Variants in ZCCHC4 observed in about 807,000 individuals in gnomAD.
The protein encoded by ZCCHC4 is rRNA N(6)-adenosine-methyltransferase ZCCHC4.
Under a neutral mutation model 67.7 loss-of-function variants are expected in ZCCHC4, and 54 were observed. The ratio of observed to expected loss-of-function variants is 0.80; its 90% CI spans 0.64 to 1.00. The LOEUF is 1.00. Among genes scored for constraint, ZCCHC4 ranks in the 50% least tolerant of loss-of-function variants. The pLI is 0.00. For synonymous variants in ZCCHC4, 198 were observed against 213.5 expected, an observed-to-expected ratio of 0.93 and a Z score of 0.63; for missense variants, 609 against 617.0, an observed-to-expected ratio of 0.99 and a Z score of 0.14.
intron 3 of ZCCHC4, among the ~76,000 whole-genome samples, chr4:25,321,025 A>G (rs905525146): frequency 2.0e-5 from 3 of 152,204 alleles, no homozygotes; most frequent in Non-Finnish European, 4.4e-5. Flanking sequence ...AGTGGGTGAT[A>G]GGTAGTCCTT....
Position 25,333,298 on chromosome 4 carries a change from G to A in ZCCHC4, c.445G>A (p.Val149Met), listed in dbSNP as rs759570799. ...TAGTGAGCATCAGGTTCTGGGTAAT[G>A]TGTCCATTACCCAGTTAAGAAGGCC... ...QHSEHQVLGN[V>M]SITQLRRPSQ... The change falls in exon 4 of 13, where the codon GTG (valine) becomes ATG (methionine). Residue 149 changes from valine to methionine, a missense_variant. Transcript: ENST00000302874. The A allele has an allele frequency of 6.2e-7, 1 of 1,614,114 alleles. No individual in the cohort carries two copies. Among genetic ancestry groups the A allele is most frequent in the Non-Finnish European group, 8.5e-7 (1 of 1,180,018 alleles).
intron 3 of ZCCHC4, among the ~76,000 whole-genome samples, chr4:25,327,913 A>G (rs1718975083): frequency 6.6e-6 from 1 of 152,230 alleles, no homozygotes; most frequent in African/African-American, 2.4e-5. Context: ...CTTTTAAACA[A>G]CCTTGCTTTG....
At chr4:25,334,559 C>T (rs1017778140) in intron 5 of ZCCHC4, among the ~76,000 whole-genome samples, 2 of 152,178 alleles carry the variant, frequency 1.3e-5, no homozygotes, top group African/African-American at 4.8e-5. Context: ...GTTGATGACA[C>T]AGAGGGAGGA....
In ZCCHC4 at chr4:25,336,097, G is replaced by A. The variant is rs182849100; in HGVS notation, c.686+2109G>A. Reference sequence around the variant, plus strand: ...TTTGTTGTTATCACCGTGTTGTGCAGTCATCACCACTAGGTACTTCTAGAA... The same window carrying A: ...TTTGTTGTTATCACCGTGTTGTGCAATCATCACCACTAGGTACTTCTAGAA... On this transcript the variant is annotated intron_variant, in intron 5 of 12. Coordinates refer to ENST00000302874, the MANE Select transcript of ZCCHC4 (RefSeq NM_024936.3). Among the ~76,000 whole-genome samples the A allele has an allele frequency of 1.6e-3, 247 of 152,328 alleles. 2 individuals carry two copies. The highest frequency in any genetic ancestry group is 5.7e-3 in the African/African-American group (237 of 41,582).
rs78070340 is a variant in ZCCHC4, at chr4:25,320,654, A to G, written c.329+5254A>G. ...CTCTCTACCAACCTTTTAGAAGGCCATGTGTCTGAATGTTAAATTTAAGGC... is the reference window on the plus strand; with the variant it reads ...CTCTCTACCAACCTTTTAGAAGGCCGTGTGTCTGAATGTTAAATTTAAGGC... On this transcript the variant is annotated intron_variant, in intron 3 of 12. Transcript: ENST00000302874. Among the ~76,000 whole-genome samples, 925 of 152,304 alleles carry G rather than the reference A, an allele frequency of 6.1e-3. 13 individuals carry two copies. The highest frequency in any genetic ancestry group is 0.027 in the Middle Eastern group (8 of 294).
intron 8 of ZCCHC4, among the ~76,000 whole-genome samples, chr4:25,357,766 A>G (rs1720571990): frequency 1.3e-5 from 2 of 152,180 alleles, no homozygotes; most frequent in African/African-American, 2.4e-5. Context: ...ACCTGTACTG[A>G]CCTCATAAAA....
Position 25,359,214 on chromosome 4 carries a change from G to T in ZCCHC4, c.1012-2645G>T, listed in dbSNP as rs1293127447. Among the ~76,000 whole-genome samples the T allele has an allele frequency of 6.6e-6, 1 of 152,186 alleles. No individual in the cohort carries two copies. The highest frequency in any genetic ancestry group is 2.4e-5 in the African/African-American group (1 of 41,460). On this transcript the variant is annotated intron_variant, in intron 8 of 12. Coordinates refer to ENST00000302874, the MANE Select transcript of ZCCHC4 (RefSeq NM_024936.3). This position sits in a 1 kb window ranked among gnomAD's most constrained non-coding sequence, Gnocchi z 4.9. ...AGCAGCTAGAAATGCAGAGCACTGA[G>T]AAGGAATGAGCTTTTGCCAGCAGAG...
intron 6 of ZCCHC4, among the ~76,000 whole-genome samples, chr4:25,346,946 G>A (rs1445041863): frequency 2.6e-5 from 4 of 152,198 alleles, no homozygotes; most frequent in Non-Finnish European, 5.9e-5. Flanking sequence ...TGAGAAGACT[G>A]TACTGAGGGA....
At chr4:25,313,949 C>A in intron 1 of ZCCHC4, 97 bp from the exon 2 acceptor site, 1 of 737,116 alleles carries the variant, frequency 1.4e-6, no homozygotes, top group Non-Finnish European at 2.3e-6. Context: ...GTGCCTAAAG[C>A]TCAAACAAAT....
At chr4:25,328,321 C>G (rs1161847733) in intron 3 of ZCCHC4, among the ~76,000 whole-genome samples, 2 of 152,022 alleles carry the variant, frequency 1.3e-5, no homozygotes. Flanking sequence ...CTCACTGCCA[C>G]CTCTGTCTCC....
chr4:25,318,073 C>G (rs181796492), intron 3 of ZCCHC4, among the ~76,000 whole-genome samples: 50 of 152,286 alleles, frequency 3.3e-4, no homozygotes, highest in African/African-American at 1.2e-3. Context: ...TAGAACCACA[C>G]GGTCCGTGGT....
At chr4:25,343,102 A>C (rs1251296220) in intron 5 of ZCCHC4, among the ~76,000 whole-genome samples, 4 of 152,240 alleles carry the variant, frequency 2.6e-5, no homozygotes, top group African/African-American at 7.2e-5. Flanking sequence ...ACATGGTTGT[A>C]CTAGTACTAA....
chr4:25,315,611 A>G (rs1220356508), intron 3 of ZCCHC4, among the ~76,000 whole-genome samples: 1 of 152,076 alleles, frequency 6.6e-6, no homozygotes, highest in Non-Finnish European at 1.5e-5. Flanking sequence ...CCCTATTCGC[A>G]AAACTTTTTC....
At position 25,333,956 on chromosome 4, in the gene ZCCHC4, C is replaced by T. The variant is rs1232381909; in HGVS notation, c.654C>T (p.Asn218=). ...KLTASGDKKS[N]IKSLLLDIDF... ...CAGCATCAGGTGACAAGAAGTCTAA[C>T]ATTAAAAGCCTTTTATTGGATATTG... The change falls in exon 5 of 13, where the codon AAC becomes AAT. Residue 218 remains asparagine (N), a synonymous_variant. Transcript: ENST00000302874. 7 of 1,605,462 alleles carry T rather than the reference C, an allele frequency of 4.4e-6. No homozygotes were observed. The East Asian group carries it at 1.6e-4, about 36-fold the overall frequency.
chr4:25,342,614 T>C (rs1719808566), intron 5 of ZCCHC4, among the ~76,000 whole-genome samples: 1 of 152,210 alleles, frequency 6.6e-6, no homozygotes, highest in South Asian at 2.1e-4. Context: ...TAGAGCATGT[T>C]TCACACTTGG....
intron 9 of ZCCHC4, 90 bp from the exon 10 acceptor site, chr4:25,362,136 C>A: frequency 1.4e-6 from 2 of 1,452,076 alleles, no homozygotes; most frequent in African/African-American, 1.4e-5. Context: ...AGATTGCACC[C>A]AGTTTTTGTA....
At chr4:25,347,289 AG>A (rs1368004025) in intron 6 of ZCCHC4, among the ~76,000 whole-genome samples, 1 of 152,232 alleles carries the variant, frequency 6.6e-6, no homozygotes, top group Non-Finnish European at 1.5e-5. Context: ...AAGGTTGGCT[AG>A]CAATTTTTTA....
chr4:25,352,154 G>C (rs1720330568), intron 8 of ZCCHC4: 17 of 985,804 alleles, frequency 1.7e-5, no homozygotes, highest in Middle Eastern at 5.2e-4. Context: ...GATGTCAGGA[G>C]TGTCAGAGAA....
intron 12 of ZCCHC4, chr4:25,366,447 C>G (rs1162941630): frequency 4.1e-6 from 1 of 241,856 alleles, no homozygotes; most frequent in Admixed American, 6.5e-5. Context: ...TCCCTAGTAG[C>G]TGGGACTACA....
Sources: allele counts gnomAD v4.1 joint callset (sites outside exome capture counted in the v4.1 genomes callset), GRCh38; gene constraint gnomAD v4.1.1; non-coding constraint Gnocchi (gnomAD v3.1); transcripts MANE v1.5; gene names NCBI Gene and HGNC (gene_info 2026-07-23, HGNC 2026-07-21).